TRIT1: variants seen among roughly 807,000 people sequenced by gnomAD.
The protein encoded by TRIT1 is tRNA dimethylallyltransferase.
Under a neutral mutation model 51.2 loss-of-function variants are expected in TRIT1, and 43 were observed. That is an observed-to-expected ratio of 0.84 (90% CI 0.66 to 1.08). The LOEUF is 1.08. Ranked by LOEUF, TRIT1 falls within the 50% of genes least tolerant of loss-of-function variation. The pLI, the probability that TRIT1 is intolerant of heterozygous loss-of-function variation, is 0.00. For synonymous variants in TRIT1, 184 were observed against 203.9 expected, an observed-to-expected ratio of 0.90 and a Z score of 0.83; for missense variants, 528 against 578.4, an observed-to-expected ratio of 0.91 and a Z score of 0.89.
intron 1 of TRIT1, 41 bp from the exon 2 acceptor site, chr1:39,857,458 C>T: frequency 6.2e-7 from 1 of 1,601,890 alleles, no homozygotes. Flanking sequence ...CAACCACCTC[C>T]ATAAAAGATG....
chr1:39,875,880 C>T (rs912469080), intron 1 of TRIT1, among the ~76,000 whole-genome samples: 5 of 152,068 alleles, frequency 3.3e-5, no homozygotes, highest in Non-Finnish European at 5.9e-5. Flanking sequence ...ACAATAACAG[C>T]ACCCACGGCA....
rs1011509306 is a variant in TRIT1, at chr1:39,841,044, A to G, written c.*700T>C. 2.6e-5 allele frequency: 4 copies of G among 152,258 alleles called. No homozygotes were observed. Among genetic ancestry groups the G allele is most frequent in the African/African-American group, 7.2e-5 (3 of 41,476 alleles). The allele number at this position is 152,258 out of a possible 1,614,324, so 9.4% of individuals were successfully genotyped here. ...GACTTGTATATCTTTTTAAGGATCA[A>G]AGAGGCTCTTGTAAATTTTTTCTTT... is the stretch of plus-strand genomic sequence containing the variant. On this transcript the variant is annotated 3_prime_UTR_variant, in exon 11 of 11. Transcript: ENST00000316891.
At chr1:39,865,656 G>A (rs1232875654) in intron 1 of TRIT1, among the ~76,000 whole-genome samples, 1 of 133,364 alleles carries the variant, frequency 7.5e-6, no homozygotes, top group Non-Finnish European at 1.5e-5. Flanking sequence ...GCAACATTGT[G>A]AGACTCTGTC....
chr1:39,853,815 C>T (rs1642732347), intron 3 of TRIT1, 155 bp downstream of exon 3: 2 of 599,056 alleles, frequency 3.3e-6, no homozygotes, highest in South Asian at 4.1e-5. Context: ...ACACACTTCA[C>T]ACATGGAGGT....
chr1:39,858,064 A>T (rs564846753), intron 1 of TRIT1, among the ~76,000 whole-genome samples: 58 of 152,330 alleles, frequency 3.8e-4, no homozygotes, highest in African/African-American at 1.4e-3. Flanking sequence ...TTGATCTGCC[A>T]ATTCGACTAA....
chr1:39,851,680 T>A (rs1209375208), intron 4 of TRIT1, among the ~76,000 whole-genome samples: 1 of 152,072 alleles, frequency 6.6e-6, no homozygotes, highest in Non-Finnish European at 1.5e-5. Context: ...CTGTGGCTCA[T>A]GACTATAATC....
intron 1 of TRIT1, among the ~76,000 whole-genome samples, chr1:39,878,601 A>G (rs1644144828): frequency 6.6e-6 from 1 of 152,202 alleles, no homozygotes; most frequent in South Asian, 2.1e-4. Flanking sequence ...AAATGCAAAT[A>G]TTGGTTTTAA....
At chr1:39,854,766 C>T (rs1339826702) in intron 2 of TRIT1, among the ~76,000 whole-genome samples, 1 of 152,132 alleles carries the variant, frequency 6.6e-6, no homozygotes, top group Non-Finnish European at 1.5e-5. Flanking sequence ...TTTTTCATCT[C>T]TGCTACTTTA....
chr1:39,877,133 C>T (rs1328324864), intron 1 of TRIT1, among the ~76,000 whole-genome samples: 1 of 151,244 alleles, frequency 6.6e-6, no homozygotes, highest in African/African-American at 2.4e-5. Context: ...CCCAAGCATC[C>T]CATATCTCCC....
chr1:39,862,933 G>A, intron 1 of TRIT1: 1 of 985,390 alleles, frequency 1.0e-6, no homozygotes, highest in South Asian at 4.7e-5. Flanking sequence ...GGATACTTGT[G>A]ATCTGTGTGC....
Position 39,844,655 on chromosome 1 carries a change from GA to G in TRIT1, c.1007-16del. 1 of 1,593,014 alleles carries G rather than the reference GA, an allele frequency of 6.3e-7. No homozygotes were observed. The highest frequency in any genetic ancestry group is 1.1e-5 in the South Asian group (1 of 90,632). ...GGGACCAGGTCCTAATGATGACAAA[GA>G]AAGGTTGTGAGAGGTCAGCCTCAAA... On this transcript the variant is annotated splice_polypyrimidine_tract_variant and intron_variant, in intron 8 of 10. Transcript: ENST00000316891.
At position 39,844,632 on chromosome 1, in the gene TRIT1, G is replaced by C; in HGVS notation, c.1015C>G (p.Pro339Ala). The change falls in exon 9 of 11, where the codon CCC becomes GCC. Residue 339 changes from proline (P) to alanine (A), a missense_variant. Pro to Ala is a conservative substitution (Grantham distance 27). Coordinates refer to ENST00000316891, the MANE Select transcript of TRIT1 (RefSeq NM_017646.6). ...VKNRFLSRPGPIVPPVYGLEV... is the reference protein window; with the variant it reads ...VKNRFLSRPGAIVPPVYGLEV... ...AAGCCATAGACAGGGGGGACAATGG[G>C]ACCAGGTCCTAATGATGACAAAGAA... is the stretch of plus-strand genomic sequence containing the variant. 1 of 1,611,614 alleles carries C rather than the reference G, an allele frequency of 6.2e-7. No individual in the cohort carries two copies. Among genetic ancestry groups the C allele is most frequent in the Non-Finnish European group, 8.5e-7 (1 of 1,177,890 alleles).
At chr1:39,853,291 T>TA (rs1244284544) in intron 3 of TRIT1, among the ~76,000 whole-genome samples, 3 of 152,188 alleles carry the variant, frequency 2.0e-5, no homozygotes, top group Non-Finnish European at 4.4e-5. Context: ...CTAATATACA[T>TA]ACTGTGCTGC....
chr1:39,852,710 C>T, intron 4 of TRIT1, 21 bp downstream of exon 4: 1 of 1,608,800 alleles, frequency 6.2e-7, no homozygotes, highest in South Asian at 1.1e-5. Context: ...AATTTGGGGT[C>T]AGCGCGCCAG....
chr1:39,863,046 G>A, intron 1 of TRIT1: 1 of 664,116 alleles, frequency 1.5e-6, no homozygotes, highest in Non-Finnish European at 1.9e-6. Context: ...GAAATATTCT[G>A]AAAAATTCCA....
intron 1 of TRIT1, among the ~76,000 whole-genome samples, chr1:39,880,783 A>G (rs1456988494): frequency 6.7e-6 from 1 of 149,484 alleles, no homozygotes; most frequent in Non-Finnish European, 1.5e-5. Flanking sequence ...TGGGCGACAG[A>G]GCAAGACTCC....
At chr1:39,855,292 A>C (rs2124616268) in intron 2 of TRIT1, among the ~76,000 whole-genome samples, 1 of 152,370 alleles carries the variant, frequency 6.6e-6, no homozygotes, top group Admixed American at 6.5e-5. Context: ...CGGCTAAGGC[A>C]GGGTGGGAAG....
chr1:39,867,453 A>T (rs1027873007), intron 1 of TRIT1, among the ~76,000 whole-genome samples: 2 of 152,210 alleles, frequency 1.3e-5, no homozygotes, highest in Admixed American at 1.3e-4. Context: ...CCAAGGCCAT[A>T]GTTTTCAAAC....
intron 1 of TRIT1, among the ~76,000 whole-genome samples, chr1:39,866,689 A>T (rs1643575196): frequency 6.6e-6 from 1 of 152,180 alleles, no homozygotes; most frequent in Non-Finnish European, 1.5e-5. Flanking sequence ...AAGCAGGAGA[A>T]GGCCAGGCAC....
Sources: gnomAD v4.1 joint callset for allele counts (sites outside exome capture counted in the v4.1 genomes callset) on GRCh38, gnomAD v4.1.1 for gene constraint, MANE v1.5 for transcripts, NCBI Gene and HGNC (gene_info 2026-07-23, HGNC 2026-07-21) for gene names.